SCOC: variants seen among roughly 807,000 people sequenced by gnomAD.
SCOC encodes the protein short coiled coil protein.
A neutral mutation model predicts 9.9 loss-of-function variants in SCOC; 7 were observed. The ratio of observed to expected loss-of-function variants is 0.71; its 90% CI spans 0.40 to 1.33. SCOC has a LOEUF of 1.33. Ranked by LOEUF, SCOC falls within the 40% of genes most tolerant of loss-of-function variation. SCOC has a pLI of 0.01. For synonymous variants in SCOC, 19 were observed against 28.2 expected, an observed-to-expected ratio of 0.67 and a Z score of 1.03; for missense variants, 66 against 89.7, an observed-to-expected ratio of 0.74 and a Z score of 1.07.
At chr4:140,314,306 C>G (rs190824304) in intron 1 of SCOC, 1 of 162,704 alleles carries the variant, frequency 6.1e-6, no homozygotes, top group African/African-American at 2.4e-5. Flanking sequence ...TTTTTGGGAG[C>G]GGGTCTAAAA....
chr4:140,375,460 G>A (rs1013853274), intron 1 of SCOC, among the ~76,000 whole-genome samples: 2 of 152,168 alleles, frequency 1.3e-5, no homozygotes, highest in Admixed American at 6.5e-5. Context: ...CTTATAAATT[G>A]CAGAGCTAGG....
chr4:140,348,890 A>G (rs1303107840), intron 2 of SCOC, among the ~76,000 whole-genome samples: 2 of 152,142 alleles, frequency 1.3e-5, no homozygotes, highest in South Asian at 2.1e-4. Context: ...CATCTTTTTT[A>G]TAATAGCCAT....
At chr4:140,365,959 C>T (rs1328191471) in intron 2 of SCOC, among the ~76,000 whole-genome samples, 1 of 152,122 alleles carries the variant, frequency 6.6e-6, no homozygotes, top group Non-Finnish European at 1.5e-5. Flanking sequence ...TTGGCACCTC[C>T]TAAGCCCCAC....
chr4:140,343,575 T>C, intron 1 of SCOC: 1 of 1,306,388 alleles, frequency 7.7e-7, no homozygotes, highest in Non-Finnish European at 1.1e-6. Flanking sequence ...GGCGGTCACA[T>C]GGGACAACTG....
intron 1 of SCOC, among the ~76,000 whole-genome samples, chr4:140,337,449 A>G (rs1732989266): frequency 6.6e-6 from 1 of 152,214 alleles, no homozygotes; most frequent in Non-Finnish European, 1.5e-5. Flanking sequence ...ACAGTAATCA[A>G]AACAGTGTGG....
At chr4:140,374,684 C>T (rs1728255888) in intron 1 of SCOC, among the ~76,000 whole-genome samples, 1 of 152,118 alleles carries the variant, frequency 6.6e-6, no homozygotes, top group Non-Finnish European at 1.5e-5. Flanking sequence ...AGGAGTTTGA[C>T]ATCAGTGGTA....
chr4:140,371,208 T>C (rs1728042615), upstream of SCOC, among the ~76,000 whole-genome samples: 1 of 152,114 alleles, frequency 6.6e-6, no homozygotes, highest in Admixed American at 6.5e-5. Flanking sequence ...TTTTGAGAGT[T>C]TTACTATATT....
intron 1 of SCOC, among the ~76,000 whole-genome samples, chr4:140,306,857 C>G (rs977867573): frequency 7.9e-5 from 12 of 152,174 alleles, no homozygotes; most frequent in Admixed American, 3.9e-4. Flanking sequence ...CAATGATTGT[C>G]TCCAGTAAAT....
intron 2 of SCOC, among the ~76,000 whole-genome samples, chr4:140,346,668 A>G (rs185191675): frequency 1.1e-4 from 17 of 152,324 alleles, no homozygotes; most frequent in Admixed American, 1.1e-3. Context: ...GCCAGTAGTT[A>G]CTCAAGTCAC....
intron 1 of SCOC, among the ~76,000 whole-genome samples, chr4:140,312,015 C>T (rs528099499): frequency 2.6e-5 from 4 of 152,228 alleles, no homozygotes; most frequent in South Asian, 2.1e-4. Context: ...ACACTTTTAG[C>T]GAGAAATAGT....
At chr4:140,373,344 G>C (rs1368123494), upstream of SCOC, 2 of 1,421,148 alleles carry the variant, frequency 1.4e-6, no homozygotes, top group Admixed American at 3.0e-5. Flanking sequence ...CCAATTCTCA[G>C]GTTTCCTGAT....
At chr4:140,319,410 G>A (rs952829455) in intron 1 of SCOC, among the ~76,000 whole-genome samples, 1 of 152,026 alleles carries the variant, frequency 6.6e-6, no homozygotes, top group Non-Finnish European at 1.5e-5. Context: ...GAACTTCGTG[G>A]AGTTATTTCT....
chr4:140,289,037 C>T (rs1316810426), intron 1 of SCOC, among the ~76,000 whole-genome samples: 1 of 152,128 alleles, frequency 6.6e-6, no homozygotes, highest in Non-Finnish European at 1.5e-5. Flanking sequence ...CTCACTACTA[C>T]ACAACATACA....
At chr4:140,286,378 A>C (rs539653887) in intron 1 of SCOC, among the ~76,000 whole-genome samples, 4 of 152,140 alleles carry the variant, frequency 2.6e-5, no homozygotes, top group South Asian at 4.2e-4. Flanking sequence ...AAAAACACAA[A>C]AAACAAAAAA....
chr4:140,296,051 C>A (rs1032415138), intron 1 of SCOC, among the ~76,000 whole-genome samples: 1 of 151,564 alleles, frequency 6.6e-6, no homozygotes, highest in East Asian at 1.9e-4. Flanking sequence ...GGAACCAGGC[C>A]CAGGAATCTG....
chr4:140,303,661 TG>T (rs1361928596), intron 1 of SCOC, among the ~76,000 whole-genome samples: 1 of 152,216 alleles, frequency 6.6e-6, no homozygotes, highest in Non-Finnish European at 1.5e-5. Flanking sequence ...TTCAAAGTTC[TG>T]AGTTCCTCAG....
chr4:140,340,782 A>ATTTTTTTTTTTT (rs1726483025), upstream of SCOC, among the ~76,000 whole-genome samples: 6 of 49,668 alleles, frequency 1.2e-4, no homozygotes, highest in African/African-American at 4.7e-4. Flanking sequence ...ATGCTGCCTA[A>ATTTTTTTTTTTT]CTTTTTTTTT....
chr4:140,343,804 C>A, intron 2 of SCOC: 1 of 758,708 alleles, frequency 1.3e-6, no homozygotes, highest in Non-Finnish European at 2.1e-6. Flanking sequence ...AATGATAAAG[C>A]ATACTCATTG....
intron 1 of SCOC, among the ~76,000 whole-genome samples, chr4:140,271,078 G>A (rs897048213): frequency 1.3e-5 from 2 of 152,190 alleles, no homozygotes; most frequent in East Asian, 1.9e-4. Context: ...AAATGAGGAT[G>A]CTGAGTAATT....
Sources: allele counts gnomAD v4.1 joint callset (sites outside exome capture counted in the v4.1 genomes callset), GRCh38; gene constraint gnomAD v4.1.1; transcripts MANE v1.5; gene names NCBI Gene and HGNC (gene_info 2026-07-23, HGNC 2026-07-21).